CCDC171: variants seen among roughly 807,000 people sequenced by gnomAD.
The protein encoded by CCDC171 is coiled-coil domain-containing protein 171.
CCDC171 carries 177 observed loss-of-function variants against 168.2 expected under a neutral mutation model. The observed-to-expected ratio is 1.05, with a 90% CI of 0.93 to 1.19. The LOEUF (loss-of-function observed/expected upper bound fraction) is 1.19. Among genes scored for constraint, CCDC171 ranks in the 50% most tolerant of loss-of-function variants. The pLI is 0.00. For missense variants in CCDC171, 1,991 were observed against 1,539.0 expected (o/e 1.29, Z -4.91); for synonymous variants, 687 against 540.8 (o/e 1.27, Z -3.75).
intron 6 of CCDC171, among the ~76,000 whole-genome samples, chr9:15,603,709 G>T (rs1367263462): frequency 6.6e-6 from 1 of 151,324 alleles, no homozygotes; most frequent in Non-Finnish European, 1.5e-5. Context: ...GCTGCAATGA[G>T]CATACATGTG....
intron 23 of CCDC171, among the ~76,000 whole-genome samples, chr9:15,857,993 A>G (rs1300170000): frequency 4.6e-5 from 7 of 151,928 alleles, no homozygotes; most frequent in African/African-American, 1.7e-4. Context: ...ATATATATGT[A>G]TATATGTATG....
Position 15,591,412 on chromosome 9 carries a change from A to AT in CCDC171, c.402dup (p.Gln135SerfsTer15). ...CAAAGACAAATGAGACTGAGAAAGC[A>AT]TTTCAGACTTCTCAGCAAAAATGGA... On this transcript the variant is annotated frameshift_variant, in exon 5 of 26. Coordinates refer to ENST00000380701, the MANE Select transcript of CCDC171 (RefSeq NM_173550.4). LOFTEE classifies it high-confidence loss of function. 6.2e-7 allele frequency: 1 copy of AT among 1,608,928 alleles called. No individual in the cohort carries two copies. The highest frequency in any genetic ancestry group is 8.5e-7 in the Non-Finnish European group (1 of 1,178,124).
intron 7 of CCDC171, among the ~76,000 whole-genome samples, chr9:15,656,029 A>G (rs549996637): frequency 6.1e-4 from 93 of 152,268 alleles, no homozygotes; most frequent in African/African-American, 1.8e-3. Context: ...GTTTCATAAT[A>G]TTCAATATGG....
chr9:15,975,564 C>T (rs187043905), downstream of CCDC171, among the ~76,000 whole-genome samples: 1 of 152,188 alleles, frequency 6.6e-6, no homozygotes, highest in East Asian at 1.9e-4. Context: ...CACTGTGTTG[C>T]CCAGTGTCTC....
At chr9:15,791,371 A>G (rs1191795049) in intron 21 of CCDC171, among the ~76,000 whole-genome samples, 1 of 151,932 alleles carries the variant, frequency 6.6e-6, no homozygotes, top group Non-Finnish European at 1.5e-5. Flanking sequence ...TGTGAATGGG[A>G]GTTCACTCAT....
At chr9:15,882,598 T>C (rs1038912282) in intron 24 of CCDC171, among the ~76,000 whole-genome samples, 1 of 152,160 alleles carries the variant, frequency 6.6e-6, no homozygotes, top group African/African-American at 2.4e-5. Flanking sequence ...ACAATAGTGA[T>C]CTTAGTTTTA....
At chr9:15,687,934 C>T (rs1014347978) in intron 10 of CCDC171, among the ~76,000 whole-genome samples, 12 of 152,132 alleles carry the variant, frequency 7.9e-5, no homozygotes, top group African/African-American at 2.6e-4. Context: ...GCCTGGCCAA[C>T]GTAGCGAAAC....
intron 11 of CCDC171, among the ~76,000 whole-genome samples, chr9:15,720,412 G>T (rs2053401703): frequency 6.6e-6 from 1 of 152,002 alleles, no homozygotes; most frequent in Admixed American, 6.6e-5. Flanking sequence ...TACCTTTCTT[G>T]TTTATCTTTG....
intron 4 of CCDC171, among the ~76,000 whole-genome samples, chr9:15,585,115 G>C (rs1170320907): frequency 6.6e-6 from 1 of 152,170 alleles, no homozygotes; most frequent in Non-Finnish European, 1.5e-5. Flanking sequence ...AGGATATAGA[G>C]CAACAGGGAC....
chr9:15,885,361 C>G (rs1394187356), intron 24 of CCDC171, among the ~76,000 whole-genome samples: 4 of 152,116 alleles, frequency 2.6e-5, no homozygotes, highest in African/African-American at 4.8e-5. Context: ...AAACTAAATT[C>G]TAAACTTGAT....
chr9:16,021,298 G>C (rs1214231261), intron 4 of CCDC171, among the ~76,000 whole-genome samples: 1 of 152,198 alleles, frequency 6.6e-6, no homozygotes, highest in Admixed American at 6.5e-5. Context: ...ATGTTGGCCA[G>C]GATGGTCTCA....
intron 24 of CCDC171, among the ~76,000 whole-genome samples, chr9:15,877,562 AGGCC>A (rs1467753084): frequency 6.6e-6 from 1 of 152,118 alleles, no homozygotes; most frequent in Non-Finnish European, 1.5e-5. Context: ...TGTTCCAATG[AGGCC>A]ATGTCTCCAG....
rs113264474 is a variant in CCDC171, at chr9:15,880,943, A to T, written c.3600+6280A>T. Among the ~76,000 whole-genome samples the T allele has an allele frequency of 1.2e-4, 19 of 152,312 alleles. 2 individuals are homozygous for T. Among genetic ancestry groups the T allele is most frequent in the African/African-American group, 4.6e-4 (19 of 41,570 alleles). ...ATTAGCTGGCAAAGTCATATAGTTC[A>T]TCTGAGAATAAACGAATTTGATGGA... On this transcript the variant is annotated intron_variant, in intron 24 of 25. Coordinates refer to ENST00000380701, the MANE Select transcript of CCDC171 (RefSeq NM_173550.4).
At chr9:16,022,095 G>A (rs551731027) in intron 4 of CCDC171, among the ~76,000 whole-genome samples, 80 of 152,310 alleles carry the variant, frequency 5.3e-4, no homozygotes, top group Non-Finnish European at 9.7e-4. Context: ...AGGCATATGA[G>A]TGGTGGACAC....
At chr9:15,884,543 A>G (rs1819135483) in intron 24 of CCDC171, among the ~76,000 whole-genome samples, 1 of 152,158 alleles carries the variant, frequency 6.6e-6, no homozygotes, top group South Asian at 2.1e-4. Flanking sequence ...TCTTAACAGC[A>G]TAGTATTTGG....
At chr9:15,739,261 G>C (rs1211546537) in intron 16 of CCDC171, among the ~76,000 whole-genome samples, 4 of 152,190 alleles carry the variant, frequency 2.6e-5, no homozygotes, top group Non-Finnish European at 5.9e-5. Context: ...AAGGAGCCGG[G>C]TGTTCTACAG....
chr9:15,638,680 A>T (rs11792937), intron 7 of CCDC171, among the ~76,000 whole-genome samples: 68,732 of 151,386 alleles, frequency 0.45, 15,897 homozygotes, highest in Non-Finnish European at 0.51. Flanking sequence ...ATGAAACATA[A>T]ATATAAAAGA....
intron 7 of CCDC171, 67 bp downstream of exon 7, chr9:15,623,480 C>CACACACACAT: frequency 7.0e-6 from 4 of 574,244 alleles, no homozygotes; most frequent in Non-Finnish European, 1.1e-5. Context: ...CGCGCGCACA[C>CACACACACAT]ACACACACAC....
intron 25 of CCDC171, among the ~76,000 whole-genome samples, chr9:15,934,613 T>G (rs1826904977): frequency 1.3e-5 from 2 of 151,946 alleles, no homozygotes; most frequent in Admixed American, 1.3e-4. Context: ...TAAGTTAAAC[T>G]TGGAGTTACC....
Sources: allele counts gnomAD v4.1 joint callset (sites outside exome capture counted in the v4.1 genomes callset), GRCh38; gene constraint gnomAD v4.1.1; transcripts MANE v1.5; gene names NCBI Gene and HGNC (gene_info 2026-07-23, HGNC 2026-07-21).